Variants in CERS3 observed in about 807,000 individuals in gnomAD.
CERS3 encodes the protein LAG1 homolog, ceramide synthase 3.
A neutral mutation model predicts 50.3 loss-of-function variants in CERS3; 33 were observed. The ratio of observed to expected loss-of-function variants is 0.66; its 90% CI spans 0.50 to 0.88. The LOEUF (loss-of-function observed/expected upper bound fraction) is 0.88. Ranked by LOEUF, CERS3 falls within the 40% of genes least tolerant of loss-of-function variation. The probability of loss-of-function intolerance (pLI) is 0.00; values close to 1 mark genes in which losing one functional copy is unlikely to be tolerated. For missense variants in CERS3, 470 were observed against 460.3 expected (o/e 1.02, Z -0.19); for synonymous variants, 176 against 155.2 (o/e 1.13, Z -0.99).
chr15:100,479,761 A>G (rs2035243107), intron 6 of CERS3, among the ~76,000 whole-genome samples: 1 of 148,894 alleles, frequency 6.7e-6, no homozygotes, highest in African/African-American at 2.4e-5. Flanking sequence ...GTTTCAAACA[A>G]GTAACTGTAT....
chr15:100,424,922 C>T (rs1238155820), intron 11 of CERS3, among the ~76,000 whole-genome samples: 1 of 152,198 alleles, frequency 6.6e-6, no homozygotes. Context: ...AAGGCATTTT[C>T]CCAGCTGCTT....
rs781243049 is a variant in CERS3, at chr15:100,456,028, C to G, written c.864G>C (p.Leu288=). 1 of 1,608,652 alleles carries G rather than the reference C, an allele frequency of 6.2e-7. No individual in the cohort carries two copies. The highest frequency in any genetic ancestry group is 8.5e-7 in the Non-Finnish European group (1 of 1,177,450). The change falls in exon 11 of 12, where the codon CTG becomes CTC. Residue 288 remains leucine, a synonymous_variant. Transcript: ENST00000679737. Reference sequence around the variant, plus strand: ...GCTCGAGGTGATACATAGGCAAGATCAGCGTGCAATATAAAATCCTGAAAC... The same window carrying G: ...GCTCGAGGTGATACATAGGCAAGATGAGCGTGCAATATAAAATCCTGAAAC... ...VFPFWILYCT[L]ILPMYHLEPF...
upstream of CERS3, among the ~76,000 whole-genome samples, chr15:100,533,536 CT>C (rs1228152181): frequency 3.4e-5 from 5 of 147,526 alleles, no homozygotes; most frequent in Non-Finnish European, 7.5e-5. Flanking sequence ...TTCGTTCCTT[CT>C]TTCCTTCCTT....
intron 2 of CERS3, among the ~76,000 whole-genome samples, chr15:100,519,506 A>G (rs941525890): frequency 1.3e-5 from 2 of 152,368 alleles, no homozygotes; most frequent in Admixed American, 1.3e-4. Flanking sequence ...GAATATACAT[A>G]CGAAAGACAC....
chr15:100,488,364 T>C (rs2035547646), intron 4 of CERS3, among the ~76,000 whole-genome samples: 2 of 152,242 alleles, frequency 1.3e-5, no homozygotes, highest in Non-Finnish European at 2.9e-5. Context: ...TGCAATATTC[T>C]ACTGTTTAGG....
intron 4 of CERS3, among the ~76,000 whole-genome samples, chr15:100,488,037 C>T (rs558248260): frequency 2.0e-5 from 3 of 152,332 alleles, no homozygotes; most frequent in African/African-American, 7.2e-5. Flanking sequence ...AGTTGTTGGT[C>T]TTACCCCAAA....
At chr15:100,419,596 C>T (rs961668821) in intron 11 of CERS3, among the ~76,000 whole-genome samples, 3 of 145,990 alleles carry the variant, frequency 2.1e-5, no homozygotes, top group African/African-American at 7.6e-5. Flanking sequence ...TAGACATCTA[C>T]AGAACTCTCC....
Position 100,400,921 on chromosome 15 carries a change from C to A in CERS3, c.*1792G>T, listed in dbSNP as rs972673229. ...CATATAATGCATATGATATTGTCCT[C>A]ATAAAAGCAAATGTTATACAGAGAA... On this transcript the variant is annotated 3_prime_UTR_variant, in exon 12 of 12. Coordinates refer to ENST00000679737, the MANE Select transcript of CERS3 (RefSeq NM_001378789.1). 6.6e-6 allele frequency: 1 copy of A among 152,064 alleles called. No homozygotes were observed. Among genetic ancestry groups the A allele is most frequent in the Non-Finnish European group, 1.5e-5 (1 of 68,018 alleles). The allele number at this position is 152,064 out of a possible 1,614,324, so 9.4% of individuals were successfully genotyped here. A position where few individuals can be genotyped will look rare whatever the true frequency, so the allele number is the denominator to read the frequency against.
chr15:100,494,741 C>G (rs923673156), intron 3 of CERS3, among the ~76,000 whole-genome samples: 1 of 152,204 alleles, frequency 6.6e-6, no homozygotes, highest in African/African-American at 2.4e-5. Context: ...GTAAGCAACT[C>G]TGCCTTAGCC....
At chr15:100,448,223 A>G (rs543188561) in intron 11 of CERS3, among the ~76,000 whole-genome samples, 1 of 152,354 alleles carries the variant, frequency 6.6e-6, no homozygotes, top group South Asian at 2.1e-4. Context: ...GGCATCGGGT[A>G]CATGCCTCCT....
At chr15:100,455,285 G>A (rs1335308590) in intron 11 of CERS3, among the ~76,000 whole-genome samples, 1 of 152,020 alleles carries the variant, frequency 6.6e-6, no homozygotes, top group African/African-American at 2.4e-5. Context: ...AGAGTAGAAT[G>A]ATAGACACCA....
chr15:100,475,388 A>G (rs28478023), intron 8 of CERS3, among the ~76,000 whole-genome samples: 43 of 152,196 alleles, frequency 2.8e-4, no homozygotes, highest in African/African-American at 1.0e-3. Context: ...TTTGCTACAA[A>G]CCAGCCTTTT....
chr15:100,423,099 T>TA (rs371215124), intron 11 of CERS3, among the ~76,000 whole-genome samples: 68,909 of 148,548 alleles, frequency 0.46, 16,686 homozygotes, highest in Non-Finnish European at 0.55. Context: ...AAAAAAAATG[T>TA]TAAAAAAAAA....
At chr15:100,423,792 C>G (rs570500276) in intron 11 of CERS3, among the ~76,000 whole-genome samples, 2 of 152,234 alleles carry the variant, frequency 1.3e-5, no homozygotes, top group South Asian at 4.1e-4. Context: ...CTACTCCAGC[C>G]ATGTAAGATG....
chr15:100,449,907 G>T (rs1209299191), intron 11 of CERS3, among the ~76,000 whole-genome samples: 1 of 151,948 alleles, frequency 6.6e-6, no homozygotes, highest in African/African-American at 2.4e-5. Context: ...ACAAACTTAA[G>T]ATATCCCTGA....
At chr15:100,534,382 G>T (rs1455888576) in intron 1 of CERS3, among the ~76,000 whole-genome samples, 1 of 152,082 alleles carries the variant, frequency 6.6e-6, no homozygotes, top group South Asian at 2.1e-4. Flanking sequence ...AACATTGAAT[G>T]AGTTAATATA....
chr15:100,493,035 A>T (rs2035698755), intron 3 of CERS3, among the ~76,000 whole-genome samples: 1 of 152,192 alleles, frequency 6.6e-6, no homozygotes, highest in African/African-American at 2.4e-5. Context: ...GTTCTGATCA[A>T]CACAGATTTA....
chr15:100,527,272 C>A (rs1453820988), intron 1 of CERS3, among the ~76,000 whole-genome samples: 1 of 152,078 alleles, frequency 6.6e-6, no homozygotes, highest in Non-Finnish European at 1.5e-5. Context: ...ACTGCAGCCT[C>A]AGTGACAGAG....
intron 2 of CERS3, among the ~76,000 whole-genome samples, chr15:100,504,193 G>A (rs1429984909): frequency 2.0e-5 from 3 of 150,632 alleles, no homozygotes; most frequent in Non-Finnish European, 4.4e-5. Context: ...CTCCACACCT[G>A]CAAGGCTGTG....
Sources: allele counts gnomAD v4.1 joint callset (sites outside exome capture counted in the v4.1 genomes callset), GRCh38; gene constraint gnomAD v4.1.1; transcripts MANE v1.5; gene names NCBI Gene and HGNC (gene_info 2026-07-23, HGNC 2026-07-21).